The following KLRD1 variants were observed in gnomAD, a reference collection of about 807,000 sequenced individuals.
The protein encoded by KLRD1 is killer cell lectin like receptor D1, also known as natural killer cells antigen CD94.
In KLRD1, 21 loss-of-function variants were observed where a neutral mutation model predicts 22.6. The ratio of observed to expected loss-of-function variants is 0.93; its 90% confidence interval spans 0.66 to 1.34. The LOEUF (loss-of-function observed/expected upper bound fraction) is 1.34. Among genes scored for constraint, KLRD1 ranks in the 40% most tolerant of loss-of-function variants. The pLI, the probability that KLRD1 is intolerant of heterozygous loss-of-function variation, is 0.00. For missense variants in KLRD1, 183 were observed against 208.6 expected, an observed-to-expected ratio of 0.88 and a Z score of 0.76; for synonymous variants, 59 against 71.1, an observed-to-expected ratio of 0.83 and a Z score of 0.85.
At position 10,248,034 on chromosome 12, in the gene KLRD1, C is replaced by G. The variant is rs888169198; in HGVS notation, c.-101+21801C>G. On this transcript the variant is annotated intron_variant, in intron 1 of 5. Transcript: ENST00000544747. ...GCCTCTCAAAATATATGAAGTCTTACAGTCACTGCTGGCCAGGAGACAGTT... is the reference window on the plus strand; with the variant it reads ...GCCTCTCAAAATATATGAAGTCTTAGAGTCACTGCTGGCCAGGAGACAGTT... Among the ~76,000 whole-genome samples the G allele has an allele frequency of 5.3e-5, 8 of 152,154 alleles. No individual in the cohort carries two copies. In the East Asian group the frequency reaches 1.3e-3, roughly 26 times the overall value.
intron 1 of KLRD1, among the ~76,000 whole-genome samples, chr12:10,286,675 T>G (rs1207598800): frequency 2.1e-5 from 3 of 141,950 alleles, no homozygotes; most frequent in Admixed American, 1.4e-4. Flanking sequence ...TTTTTTTTTT[T>G]TTTTTTTTTT....
chr12:10,312,760 A>C (rs1024092740), intron 4 of KLRD1, among the ~76,000 whole-genome samples: 12 of 149,624 alleles, frequency 8.0e-5, no homozygotes, highest in African/African-American at 2.7e-4. Flanking sequence ...GAGGCCGAGG[A>C]GGGCGGATCA....
chr12:10,251,714 G>A (rs1246788271), intron 1 of KLRD1, among the ~76,000 whole-genome samples: 1 of 151,716 alleles, frequency 6.6e-6, no homozygotes, highest in African/African-American at 2.4e-5. Flanking sequence ...TGGGGGTGAC[G>A]GGAGACAGTG....
At chr12:10,306,006 A>C (rs1311159890), upstream of KLRD1, among the ~76,000 whole-genome samples, 1 of 151,934 alleles carries the variant, frequency 6.6e-6, no homozygotes, top group Non-Finnish European at 1.5e-5. Flanking sequence ...ACTAAAAAAA[A>C]AAAATACAAA....
At chr12:10,240,661 C>T (rs1048683092) in intron 1 of KLRD1, among the ~76,000 whole-genome samples, 8 of 151,864 alleles carry the variant, frequency 5.3e-5, no homozygotes, top group Non-Finnish European at 1.0e-4. Flanking sequence ...TAAACTACCA[C>T]GTGCCCATCA....
intron 1 of KLRD1, among the ~76,000 whole-genome samples, chr12:10,297,602 T>C (rs765732434): frequency 6.6e-6 from 1 of 152,208 alleles, no homozygotes; most frequent in African/African-American, 2.4e-5. Context: ...TAACACTCTT[T>C]CAGGGTTGTC....
At chr12:10,280,080 C>T (rs2137652906) in intron 1 of KLRD1, among the ~76,000 whole-genome samples, 1 of 152,226 alleles carries the variant, frequency 6.6e-6, no homozygotes, top group Non-Finnish European at 1.5e-5. Flanking sequence ...TTAGAATTAC[C>T]AACAATCGTT....
chr12:10,248,144 G>GTTT (rs951436281), intron 1 of KLRD1, among the ~76,000 whole-genome samples: 10 of 152,056 alleles, frequency 6.6e-5, no homozygotes, highest in African/African-American at 2.4e-4. Flanking sequence ...GGTCCTGCAT[G>GTTT]TTTTACTCAT....
upstream of KLRD1, among the ~76,000 whole-genome samples, chr12:10,302,337 C>T (rs546782692): frequency 1.3e-4 from 20 of 152,286 alleles, no homozygotes; most frequent in South Asian, 2.3e-3. Flanking sequence ...AAGACATTTA[C>T]TCAACTCCCA....
rs1950204184 is a variant in KLRD1, at chr12:10,315,544, G to A, written c.*751G>A. The A allele has an allele frequency of 1.9e-5, 3 of 155,974 alleles. No homozygotes were observed. Among genetic ancestry groups the A allele is most frequent in the Non-Finnish European group, 2.8e-5 (2 of 70,416 alleles). The allele number at this position is 155,974 out of a possible 1,614,324, so 9.7% of individuals were successfully genotyped here. On this transcript the variant is annotated 3_prime_UTR_variant, in exon 6 of 6. Transcript: ENST00000336164. ...TTTAATTTGAACTAAGAGAGCTTAT[G>A]CATTGCACTTTCTGGAGATTTGTAA... is the stretch of plus-strand genomic sequence containing the variant.
chr12:10,263,530 T>C (rs949599522), intron 1 of KLRD1, among the ~76,000 whole-genome samples: 1 of 152,078 alleles, frequency 6.6e-6, no homozygotes, highest in African/African-American at 2.4e-5. Context: ...TGGTCCGTGG[T>C]CACGTATAAA....
At chr12:10,287,207 G>A (rs186049048) in intron 1 of KLRD1, among the ~76,000 whole-genome samples, 1 of 152,148 alleles carries the variant, frequency 6.6e-6, no homozygotes, top group Admixed American at 6.5e-5. Context: ...AAAAACCGTG[G>A]TGAAACTGTA....
intron 1 of KLRD1, among the ~76,000 whole-genome samples, chr12:10,287,375 T>A (rs1315243481): frequency 6.6e-6 from 1 of 151,706 alleles, no homozygotes; most frequent in Non-Finnish European, 1.5e-5. Context: ...TAACTCCGAA[T>A]TTTTTTTTAT....
At chr12:10,297,280 C>G (rs911214125) in intron 1 of KLRD1, among the ~76,000 whole-genome samples, 3 of 152,142 alleles carry the variant, frequency 2.0e-5, no homozygotes, top group Non-Finnish European at 4.4e-5. Context: ...TATTTGTATG[C>G]AAACACTTTT....
At chr12:10,239,210 G>T (rs1167483273) in intron 1 of KLRD1, among the ~76,000 whole-genome samples, 2 of 152,196 alleles carry the variant, frequency 1.3e-5, no homozygotes, top group East Asian at 3.8e-4. Context: ...AAAGAATCAA[G>T]GACAGATTAA....
At chr12:10,308,152 G>A (rs1949967423) in intron 1 of KLRD1, 68 bp downstream of exon 1, 1 of 1,394,960 alleles carries the variant, frequency 7.2e-7, no homozygotes. Flanking sequence ...GGCTGATTTT[G>A]GGGTAATGCT....
chr12:10,262,714 T>C (rs1949464927), intron 1 of KLRD1, among the ~76,000 whole-genome samples: 2 of 152,076 alleles, frequency 1.3e-5, no homozygotes, highest in South Asian at 4.1e-4. Context: ...AAATTCACAA[T>C]ATTTGCAAAA....
At chr12:10,272,253 G>A (rs956166884) in intron 1 of KLRD1, among the ~76,000 whole-genome samples, 1 of 152,084 alleles carries the variant, frequency 6.6e-6, no homozygotes. Context: ...CAGTACAAGT[G>A]AAGCAGAACT....
rs1950202865 is a variant in KLRD1 at position 10,315,505 on chromosome 12, A to G, written c.*712A>G. 1 of 170,528 alleles carries G rather than the reference A, an allele frequency of 5.9e-6. No homozygotes were observed. The highest frequency in any genetic ancestry group is 1.2e-4 in the South Asian group (1 of 8,380). The allele number at this position is 170,528 out of a possible 1,614,324, so 10.6% of individuals were successfully genotyped here. A position where few individuals can be genotyped will look rare whatever the true frequency, so the allele number is the denominator to read the frequency against. ...GACAAAAGATATAGGATGAAAAATA[A>G]TATCTTTCAAATGTTTAATTTGAAC... On this transcript the variant is annotated 3_prime_UTR_variant, in exon 6 of 6. Coordinates refer to ENST00000336164, the MANE Select transcript of KLRD1 (RefSeq NM_002262.5).
Sources: gnomAD v4.1 joint callset for allele counts (sites outside exome capture counted in the v4.1 genomes callset) on GRCh38, gnomAD v4.1.1 for gene constraint, MANE v1.5 for transcripts, NCBI Gene and HGNC (gene_info 2026-07-23, HGNC 2026-07-21) for gene names.